The following KLHL31 variants were observed in gnomAD, a reference collection of about 807,000 sequenced individuals.
KLHL31 encodes kelch like family member 31.
In KLHL31, 32 loss-of-function variants were observed where a neutral mutation model predicts 47.1. The ratio of observed to expected loss-of-function variants is 0.68; its 90% confidence interval spans 0.51 to 0.91. KLHL31 has a LOEUF of 0.91. KLHL31 is among the 40% of genes least tolerant of loss of function. The pLI, the probability that KLHL31 is intolerant of heterozygous loss-of-function variation, is 0.00. For synonymous variants in KLHL31, 330 were observed against 325.1 expected (o/e 1.01, Z -0.16); for missense variants, 797 against 819.3 (o/e 0.97, Z 0.33).
rs1403486200 is a variant in KLHL31 at position 53,654,965 on chromosome 6, T to C, written c.308A>G (p.Lys103Arg). 1.9e-6 allele frequency: 3 copies of C among 1,614,202 alleles called. No individual in the cohort carries two copies. The highest frequency in any genetic ancestry group is 2.2e-5 in the East Asian group (1 of 44,886). ...SCSEYFYNIL[K>R]KDPSIQRVDL... The stretch of plus-strand genomic sequence containing the variant: ...CACCCTCTGAATTGACGGGTCTTTT[T>C]TTAGGATGTTGTAAAAATACTCACT... Residue 103 changes from lysine to arginine, a missense_variant, in exon 2 of 3, where the codon AAA becomes AGA. Transcript: ENST00000370905.
At chr6:53,653,006 G>A (rs1367877013) in intron 2 of KLHL31, among the ~76,000 whole-genome samples, 1 of 148,742 alleles carries the variant, frequency 6.7e-6, no homozygotes, top group Admixed American at 6.8e-5. Context: ...GCACTTGTCA[G>A]TAGAGAAGAC....
rs1434397620 is a variant in KLHL31 at position 53,649,997 on chromosome 6, G to T, written c.*1601C>A. On this transcript the variant is annotated 3_prime_UTR_variant, in exon 3 of 3. Coordinates refer to ENST00000370905, the MANE Select transcript of KLHL31 (RefSeq NM_001003760.5). Reference sequence around the variant, plus strand: ...TTCATCGGGGTAATGATATAAAATTGTTCCACAAAGTGTACTATATGAACC... The same window carrying T: ...TTCATCGGGGTAATGATATAAAATTTTTCCACAAAGTGTACTATATGAACC... The T allele has an allele frequency of 1.3e-5, 2 of 152,122 alleles. No homozygotes were observed. Among genetic ancestry groups the T allele is most frequent in the East Asian group, 3.9e-4 (2 of 5,192 alleles). 9.4% of individuals were successfully genotyped at this position (152,122 alleles called of 1,614,324 possible).
At position 53,654,678 on chromosome 6, in the gene KLHL31, A is replaced by T; in HGVS notation, c.595T>A (p.Phe199Ile). The T allele has an allele frequency of 6.2e-7, 1 of 1,614,232 alleles. No homozygotes were observed. Residue 199 changes from phenylalanine (F) to isoleucine (I), a missense_variant, in exon 2 of 3, where the codon TTC becomes ATC. Coordinates refer to ENST00000370905, the MANE Select transcript of KLHL31 (RefSeq NM_001003760.5). The stretch of plus-strand genomic sequence containing the variant: ...TGATCCGATTCTGCAAATTCAAGGA[A>T]GTTATCCCGAATAAATTTCTGGGCT... ...AAAQKFIRDN[F>I]LEFAESDQFM...
chr6:53,651,774 C>A lies in KLHL31; in HGVS notation c.1729G>T (p.Glu577Ter). Residue 577 changes from glutamate to a stop codon, truncating the protein, a stop_gained, in exon 3 of 3, where the codon GAG (glutamate) becomes TAG (stop). Transcript: ENST00000370905. LOFTEE classifies it high-confidence loss of function. ...AYLVGGWNEG[E>*]KKYKKCIQCF... ...TGGATGCACTTCTTGTACTTCTTCT[C>A]GCCCTCGTTCCAGCCCCCCACCAGG... is the stretch of plus-strand genomic sequence containing the variant. 6.2e-7 allele frequency: 1 copy of A among 1,613,966 alleles called. No homozygotes were observed. The highest frequency in any genetic ancestry group is 8.5e-7 in the Non-Finnish European group (1 of 1,180,050).
chr6:53,662,299 C>G (rs186407149), intron 1 of KLHL31, among the ~76,000 whole-genome samples: 2 of 152,308 alleles, frequency 1.3e-5, no homozygotes, highest in East Asian at 3.9e-4. Flanking sequence ...GAAGGAAGAA[C>G]TTTACAAGCT....
chr6:53,653,740 T>C (rs980681132), intron 2 of KLHL31, among the ~76,000 whole-genome samples: 4 of 152,204 alleles, frequency 2.6e-5, no homozygotes, highest in African/African-American at 7.2e-5. Context: ...TGAATTTGTA[T>C]CTAATTTCTA....
At position 53,655,232 on chromosome 6, in the gene KLHL31, T is replaced by C. The variant is rs748693571; in HGVS notation, c.41A>G (p.Asp14Gly). The C allele has an allele frequency of 2.5e-6, 4 of 1,586,714 alleles. No homozygotes were observed. Among genetic ancestry groups the C allele is most frequent in the Admixed American group, 1.9e-5 (1 of 53,930 alleles). Residue 14 changes from aspartate to glycine, a missense_variant, in exon 2 of 3, where the codon GAT (aspartate) becomes GGT (glycine). Asp to Gly is a moderately conservative substitution (Grantham distance 94). Coordinates refer to ENST00000370905, the MANE Select transcript of KLHL31 (RefSeq NM_001003760.5). ...TACGATTATAGTCATCTCATTGATA[T>C]CTCCTTTGTTCTTTTTGACAATCTT... ...KKKIVKKNKG[D>G]INEMTIIVED...
chr6:53,664,635 T>C (rs1211319753), intron 1 of KLHL31, among the ~76,000 whole-genome samples: 1 of 152,228 alleles, frequency 6.6e-6, no homozygotes, highest in African/African-American at 2.4e-5. Flanking sequence ...TTACTTCATA[T>C]TTGAGAACAT....
In KLHL31 at chr6:53,657,610, TTGTGTGTGTGTGTGTG is replaced by T. The variant is rs57566339; in HGVS notation, c.-33-2321_-33-2306del. Among the ~76,000 whole-genome samples, 1,146 of 138,800 alleles carry T rather than the reference TTGTGTGTGTGTGTGTG, an allele frequency of 8.3e-3. 15 individuals carry two copies. Among genetic ancestry groups the T allele is most frequent in the African/African-American group, 0.028 (1,057 of 37,680 alleles). 91.1% of individuals were successfully genotyped at this position (138,800 alleles called of 152,430 possible). ...TGGTTTACAATTTTTTGTTTTTGTT[TTGTGTGTGTGTGTGTG>T]TGTGTGTGTGTGTGTGTGTGTGTGT... On this transcript the variant is annotated intron_variant, in intron 1 of 2. Coordinates refer to ENST00000370905, the MANE Select transcript of KLHL31 (RefSeq NM_001003760.5).
At chr6:53,656,318 T>C (rs529412321) in intron 1 of KLHL31, among the ~76,000 whole-genome samples, 1 of 152,186 alleles carries the variant, frequency 6.6e-6, no homozygotes, top group Non-Finnish European at 1.5e-5. Flanking sequence ...GGAGTGAGTA[T>C]AAAAGAACAT....
Position 53,654,985 on chromosome 6 carries a change from C to T in KLHL31, c.288G>A (p.Glu96=). The T allele has an allele frequency of 1.9e-6, 3 of 1,614,158 alleles. No individual in the cohort carries two copies. Among genetic ancestry groups the T allele is most frequent in the Non-Finnish European group, 2.5e-6 (3 of 1,180,036 alleles). ...VHKSVMASCS[E]YFYNILKKDP... Reference sequence around the variant, plus strand: ...CTTTTTTTAGGATGTTGTAAAAATACTCACTGCATGAAGCCATGACTGACT... The same window carrying T: ...CTTTTTTTAGGATGTTGTAAAAATATTCACTGCATGAAGCCATGACTGACT... The change falls in exon 2 of 3, where the codon GAG becomes GAA. Residue 96 remains glutamate, a synonymous_variant. Transcript: ENST00000370905.
rs1271004403 is a variant in KLHL31, at chr6:53,651,612, G to A, written c.1891C>T (p.Pro631Ser). The change falls in exon 3 of 3, where the codon CCA becomes TCA. Residue 631 changes from proline (P) to serine (S), a missense_variant. Transcript: ENST00000370905. ...TCTACCTGGGCTCAGATACTGACTG[G>A]CACAGAAGATACCGAACTGGCCCGG... is the stretch of plus-strand genomic sequence containing the variant. The part of the protein sequence containing the change: ...ESRASSVSSV[P>S]VSI The A allele has an allele frequency of 6.2e-7, 1 of 1,613,454 alleles. No homozygotes were observed. Among genetic ancestry groups the A allele is most frequent in the African/African-American group, 1.3e-5 (1 of 75,022 alleles).
chr6:53,656,704 T>C (rs1047684243), intron 1 of KLHL31, among the ~76,000 whole-genome samples: 1 of 152,060 alleles, frequency 6.6e-6, no homozygotes, highest in Non-Finnish European at 1.5e-5. Context: ...AATATCTAAG[T>C]AACATACACA....
In KLHL31 at chr6:53,651,586, A is replaced by C; in HGVS notation, c.*12T>G. 1 of 1,601,954 alleles carries C rather than the reference A, an allele frequency of 6.2e-7. No homozygotes were observed. On this transcript the variant is annotated 3_prime_UTR_variant, in exon 3 of 3. Coordinates refer to ENST00000370905, the MANE Select transcript of KLHL31 (RefSeq NM_001003760.5). The stretch of plus-strand genomic sequence containing the variant: ...TAACGTGTTCTTCCTGCGTCCCTGC[A>C]TCTACCTGGGCTCAGATACTGACTG...
At chr6:53,663,071 G>GA (rs1445638873) in intron 1 of KLHL31, among the ~76,000 whole-genome samples, 2 of 151,696 alleles carry the variant, frequency 1.3e-5, no homozygotes, top group East Asian at 3.9e-4. Flanking sequence ...AAGAAATTAA[G>GA]AATCAGAAAG....
rs1159406307 is a variant in KLHL31 at position 53,654,176 on chromosome 6, AATCC to A, written c.1093_1096del (p.Gly365PhefsTer4). ...GTCTTCACCACCGGCTACATAAAGA[AATCC>A]ATCCATCACAGCCACACACTGATTA... On this transcript the variant is annotated frameshift_variant, in exon 2 of 3. Transcript: ENST00000370905. LOFTEE classifies it high-confidence loss of function. 6.2e-7 allele frequency: 1 copy of A among 1,614,128 alleles called. No individual in the cohort carries two copies.
intron 2 of KLHL31, 94 bp downstream of exon 2, chr6:53,654,007 G>A: frequency 1.9e-6 from 2 of 1,058,556 alleles, no homozygotes; most frequent in Non-Finnish European, 2.7e-6. Context: ...TAAGCCAATG[G>A]ACTAAGTTAA....
chr6:53,655,426 A>T (rs1463130711), intron 1 of KLHL31, 121 bp from the exon 2 acceptor site: 2 of 532,864 alleles, frequency 3.8e-6, no homozygotes, highest in Middle Eastern at 9.6e-4. Context: ...ATTAATTTTT[A>T]AAATAGATTT....
intron 2 of KLHL31, among the ~76,000 whole-genome samples, chr6:53,653,462 TA>T (rs1297016953): frequency 6.6e-6 from 1 of 152,262 alleles, no homozygotes; most frequent in Non-Finnish European, 1.5e-5. Context: ...GTTTAATTTT[TA>T]ATCATAAATA....
Sources: allele counts gnomAD v4.1 joint callset (sites outside exome capture counted in the v4.1 genomes callset), GRCh38; gene constraint gnomAD v4.1.1; transcripts MANE v1.5; gene names NCBI Gene and HGNC (gene_info 2026-07-23, HGNC 2026-07-21).